The following ABCC1 variants were observed in gnomAD, a reference collection of about 807,000 sequenced individuals.
The protein encoded by ABCC1 is multidrug resistance-associated protein 1.
A neutral mutation model predicts 172.9 loss-of-function variants in ABCC1; 83 were observed. The ratio of observed to expected loss-of-function variants is 0.48; its 90% CI spans 0.40 to 0.58. The LOEUF is 0.58. ABCC1 is among the 20% of genes least tolerant of loss of function. The pLI, the probability that ABCC1 is intolerant of heterozygous loss-of-function variation, is 0.00. For missense variants in ABCC1, 1,817 were observed against 2,002.7 expected, an observed-to-expected ratio of 0.91 and a Z score of 1.77; for synonymous variants, 937 against 825.2, an observed-to-expected ratio of 1.14 and a Z score of -2.32.
chr16:16,103,754 G>T (rs986282729), intron 20 of ABCC1, among the ~76,000 whole-genome samples: 4 of 152,168 alleles, frequency 2.6e-5, no homozygotes, highest in African/African-American at 9.7e-5. Context: ...ATAGCACGGT[G>T]CCTGGAACAG....
intron 7 of ABCC1, among the ~76,000 whole-genome samples, chr16:16,037,034 G>A (rs970377556): frequency 2.0e-5 from 3 of 151,956 alleles, no homozygotes; most frequent in African/African-American, 4.8e-5. Flanking sequence ...CCCAGGAGGC[G>A]GAGGTTGCAG....
intron 26 of ABCC1, among the ~76,000 whole-genome samples, chr16:16,127,999 C>T (rs1339740406): frequency 1.3e-5 from 2 of 149,424 alleles, no homozygotes; most frequent in African/African-American, 5.0e-5. Context: ...CAGCTCACTG[C>T]AACCTCCACC....
chr16:15,969,866 G>A (rs117854), intron 1 of ABCC1, among the ~76,000 whole-genome samples: 192 of 151,844 alleles, frequency 1.3e-3, no homozygotes, highest in Non-Finnish European at 2.2e-3. Context: ...TGAGGGTCCT[G>A]CATAGCCCTT....
chr16:16,062,842 T>C (rs541957914), intron 12 of ABCC1, among the ~76,000 whole-genome samples: 1 of 149,272 alleles, frequency 6.7e-6, no homozygotes, highest in South Asian at 2.1e-4. Flanking sequence ...TGGGACTGTT[T>C]TTCTGGAATG....
chr16:16,118,400 A>G (rs1056715079), intron 23 of ABCC1, among the ~76,000 whole-genome samples: 8 of 140,752 alleles, frequency 5.7e-5, no homozygotes, highest in Admixed American at 2.2e-4. Flanking sequence ...GAGTCTCGTT[A>G]TATCCTCTTG....
chr16:16,013,855 A>G (rs8058040), intron 3 of ABCC1, among the ~76,000 whole-genome samples: 35,300 of 151,934 alleles, frequency 0.23, 5,218 homozygotes, highest in African/African-American at 0.41. Context: ...TAAAGTCCTG[A>G]GGGTCACAGG....
At chr16:15,972,014 C>A (rs545578978) in intron 1 of ABCC1, among the ~76,000 whole-genome samples, 1 of 152,130 alleles carries the variant, frequency 6.6e-6, no homozygotes, top group Non-Finnish European at 1.5e-5. Context: ...AAATAACATG[C>A]GTTGAGGTCA....
rs567114112 is a variant in ABCC1 at position 15,950,880 on chromosome 16, T to C, written c.48+1081T>C. 6.2e-4 allele frequency among the ~76,000 whole-genome samples: 95 copies of C among 152,112 alleles called. 1 individual carries two copies. In the South Asian group the frequency reaches 6.4e-3, roughly 10 times the overall value. On this transcript the variant is annotated intron_variant, in intron 1 of 30. Transcript: ENST00000399410. ...CTTTCCTCGAGGGTTGCATTTGGAG[T>C]GTTGAAAAGTCATCCTCCAGGGCCC... is the stretch of plus-strand genomic sequence containing the variant.
At chr16:16,113,515 C>T (rs1167889967) in intron 22 of ABCC1, among the ~76,000 whole-genome samples, 1 of 151,994 alleles carries the variant, frequency 6.6e-6, no homozygotes, top group Non-Finnish European at 1.5e-5. Context: ...ATTCGCTGGG[C>T]GTGGTGGCGC....
chr16:15,970,458 G>C (rs2046341460), intron 1 of ABCC1, among the ~76,000 whole-genome samples: 1 of 152,232 alleles, frequency 6.6e-6, no homozygotes, highest in South Asian at 2.1e-4. Flanking sequence ...TGTTACTCAG[G>C]GATGAGGGAG....
At chr16:16,128,508 G>A (rs992674121) in intron 26 of ABCC1, among the ~76,000 whole-genome samples, 3 of 152,114 alleles carry the variant, frequency 2.0e-5, no homozygotes, top group South Asian at 2.1e-4. Flanking sequence ...TAGAAGGATC[G>A]TGTTTGACAA....
chr16:16,027,947 A>T (rs1207084884), intron 5 of ABCC1, among the ~76,000 whole-genome samples: 2 of 152,078 alleles, frequency 1.3e-5, no homozygotes, highest in Non-Finnish European at 1.5e-5. Context: ...GTACTATTCT[A>T]AGTACTTACC....
chr16:16,083,097 A>G (rs201241774), intron 16 of ABCC1, among the ~76,000 whole-genome samples: 2 of 152,358 alleles, frequency 1.3e-5, no homozygotes, highest in East Asian at 1.9e-4. Context: ...ATAGCTAGCT[A>G]CTAAGTAAAT....
At chr16:16,056,447 A>G in intron 12 of ABCC1, 152 bp downstream of exon 12, 1 of 815,828 alleles carries the variant, frequency 1.2e-6, no homozygotes, top group South Asian at 1.7e-5. Context: ...CAGGTGGATC[A>G]CCTGAGGTCA....
rs531584580 is a variant in ABCC1 at position 16,032,766 on chromosome 16, G to T, written c.616-343G>T. On this transcript the variant is annotated intron_variant, in intron 5 of 30. Coordinates refer to ENST00000399410, the MANE Select transcript of ABCC1 (RefSeq NM_004996.4). ...TTGTAGAATGCCTAGCACATAGTAG[G>T]TGCTCAGAAAATATTTGTTGAATGA... Among the ~76,000 whole-genome samples, 5 of 152,308 alleles carry T rather than the reference G, an allele frequency of 3.3e-5. No individual in the cohort carries two copies. In the East Asian group the frequency reaches 9.6e-4, roughly 29 times the overall value.
chr16:16,048,755 G>T (rs543327242), intron 10 of ABCC1, among the ~76,000 whole-genome samples: 2 of 152,320 alleles, frequency 1.3e-5, no homozygotes, highest in East Asian at 3.9e-4. Context: ...GGGAGGCCGA[G>T]GCGGGCAGAT....
chr16:15,961,065 C>T lies in ABCC1; in HGVS notation c.48+11266C>T, dbSNP rs114213572. Among the ~76,000 whole-genome samples, 787 of 146,126 alleles carry T rather than the reference C, an allele frequency of 5.4e-3. 4 individuals are homozygous for T. Among genetic ancestry groups the T allele is most frequent in the African/African-American group, 0.019 (741 of 38,936 alleles). On this transcript the variant is annotated intron_variant, in intron 1 of 30. Transcript: ENST00000399410. ...CTTGCTATGCTGCTCAGGCTGGTCT[C>T]GAACTCCTGGGCTCAAGCAATCCAC...
Position 16,141,366 on chromosome 16 carries a change from C to G in ABCC1, c.*85C>G. 4 of 1,281,536 alleles carry G rather than the reference C, an allele frequency of 3.1e-6. No individual in the cohort carries two copies. Among genetic ancestry groups the G allele is most frequent in the African/African-American group, 3.0e-5 (2 of 67,142 alleles). The allele number at this position is 1,281,536 out of a possible 1,614,324, so 79.4% of individuals were successfully genotyped here. ...GAGTCAGTACCCCTGGTAAACCAAGCCTCCCACACTGAAACCAAAACATAA... is the reference window on the plus strand; with the variant it reads ...GAGTCAGTACCCCTGGTAAACCAAGGCTCCCACACTGAAACCAAAACATAA... On this transcript the variant is annotated 3_prime_UTR_variant, in exon 31 of 31. Transcript: ENST00000399410.
intron 21 of ABCC1, among the ~76,000 whole-genome samples, chr16:16,110,285 T>C (rs1004549044): frequency 6.6e-6 from 1 of 152,158 alleles, no homozygotes. Flanking sequence ...GATTTCATCA[T>C]GTTGGCCAGG....
Sources: gnomAD v4.1 joint callset for allele counts (sites outside exome capture counted in the v4.1 genomes callset) on GRCh38, gnomAD v4.1.1 for gene constraint, MANE v1.5 for transcripts, NCBI Gene and HGNC (gene_info 2026-07-23, HGNC 2026-07-21) for gene names.